CHST6: variants seen among roughly 807,000 people sequenced by gnomAD.
The protein encoded by CHST6 is N-acetylglucosamine 6-O-sulfotransferase 5.
For synonymous variants in CHST6, 309 were observed against 276.4 expected (o/e 1.12, Z -1.17); for missense variants, 698 against 586.2 (o/e 1.19, Z -1.97).
intron 1 of CHST6, among the ~76,000 whole-genome samples, chr16:75,486,571 T>C (rs2080200924): frequency 6.6e-6 from 1 of 152,178 alleles, no homozygotes; most frequent in Non-Finnish European, 1.5e-5. Flanking sequence ...TCTGCTCAAC[T>C]GCAATTCTGG....
At chr16:75,490,196 AGGC>A (rs2080240452) in intron 1 of CHST6, among the ~76,000 whole-genome samples, 1 of 133,470 alleles carries the variant, frequency 7.5e-6, no homozygotes, top group Non-Finnish European at 1.6e-5. Flanking sequence ...AAAAAAAAAA[AGGC>A]CGGGCACAGT....
In CHST6 at chr16:75,479,000, C is replaced by T. The variant is rs151201267; in HGVS notation, c.829G>A (p.Ala277Thr). Residue 277 changes from alanine to threonine, a missense_variant, in exon 3 of 3, where the codon GCG becomes ACG. Ala to Thr is a moderately conservative substitution (Grantham distance 58). Transcript: ENST00000332272. The part of the protein sequence containing the change: ...RYRLVRFEDL[A>T]REPLAEIRAL... ...CGGATTTCTGCCAGCGGCTCCCGCG[C>T]CAGGTCCTCGAAGCGCACCAGGCGG... The T allele has an allele frequency of 6.2e-7, 1 of 1,612,160 alleles. No individual in the cohort carries two copies. The highest frequency in any genetic ancestry group is 8.5e-7 in the Non-Finnish European group (1 of 1,179,940).
At chr16:75,494,643 T>C (rs1216903510) in intron 1 of CHST6, among the ~76,000 whole-genome samples, 1 of 152,210 alleles carries the variant, frequency 6.6e-6, no homozygotes, top group Non-Finnish European at 1.5e-5. Context: ...GAAAAAGCCC[T>C]TGGAGAGCTT....
Position 75,474,363 on chromosome 16 carries a change from C to T in CHST6, c.*4278G>A, listed in dbSNP as rs1597467516. 1 of 368,056 alleles carries T rather than the reference C, an allele frequency of 2.7e-6. No homozygotes were observed. Among genetic ancestry groups the T allele is most frequent in the African/African-American group, 2.1e-5 (1 of 48,204 alleles). 22.8% of individuals were successfully genotyped at this position (368,056 alleles called of 1,614,324 possible). A position where few individuals can be genotyped will look rare whatever the true frequency, so the allele number is the denominator to read the frequency against. ...GATCATGGTTCAATGTAGCCTCAAC[C>T]TCCCAGGGTCAAGCAGTCCTCCCAA... On this transcript the variant is annotated 3_prime_UTR_variant, in exon 3 of 3. Transcript: ENST00000332272.
In CHST6 at chr16:75,479,072, C is replaced by G; in HGVS notation, c.757G>C (p.Ala253Pro). ...GGCGGCTTGAGTGTGGCGGCCTCGG[C>G]GATGCGTACGTGGCTACGGCACACC... ...REVCRSHVRI[A>P]EAATLKPPPF... The change falls in exon 3 of 3, where the codon GCC (alanine) becomes CCC (proline). Residue 253 changes from alanine to proline, a missense_variant. Transcript: ENST00000332272. 1 of 1,606,082 alleles carries G rather than the reference C, an allele frequency of 6.2e-7. No homozygotes were observed. The highest frequency in any genetic ancestry group is 8.5e-7 in the Non-Finnish European group (1 of 1,179,400).
In CHST6 at chr16:75,480,977, G is replaced by A. The variant is rs115034786; in HGVS notation, c.-17+840C>T. 5.8e-3 allele frequency among the ~76,000 whole-genome samples: 871 copies of A among 150,832 alleles called. 9 individuals carry two copies. The highest frequency in any genetic ancestry group is 0.02 in the African/African-American group (803 of 41,012). ...GAAAAGAAAAGAAGCAAATAGGCAG[G>A]ATGCGAGCCTGGGATTCAAGCCTGT... On this transcript the variant is annotated intron_variant, in intron 2 of 2. Coordinates refer to ENST00000332272, the MANE Select transcript of CHST6 (RefSeq NM_021615.5).
At chr16:75,488,882 C>G (rs950982480) in intron 1 of CHST6, among the ~76,000 whole-genome samples, 1 of 151,094 alleles carries the variant, frequency 6.6e-6, no homozygotes, top group Non-Finnish European at 1.5e-5. Context: ...AGTGAAACTT[C>G]GTCTCAAAGA....
At chr16:75,482,818 C>G (rs926126532) in intron 1 of CHST6, among the ~76,000 whole-genome samples, 1 of 152,140 alleles carries the variant, frequency 6.6e-6, no homozygotes, top group East Asian at 1.9e-4. Flanking sequence ...GCCCATTTCC[C>G]TCATCAGGAG....
chr16:75,493,590 G>A (rs1226178460), intron 1 of CHST6, among the ~76,000 whole-genome samples: 2 of 152,036 alleles, frequency 1.3e-5, no homozygotes, highest in African/African-American at 4.8e-5. Context: ...GAAAGAGTGA[G>A]TGAGTGGATA....
chr16:75,479,069 C>T lies in CHST6; in HGVS notation c.760G>A (p.Glu254Lys), dbSNP rs1187998480. 5.0e-6 allele frequency: 8 copies of T among 1,606,366 alleles called. No individual in the cohort carries two copies. The highest frequency in any genetic ancestry group is 1.1e-5 in the South Asian group (1 of 91,024). ...GGTGGCGGCTTGAGTGTGGCGGCCT[C>T]GGCGATGCGTACGTGGCTACGGCAC... ...EVCRSHVRIA[E>K]AATLKPPPFL... The change falls in exon 3 of 3, where the codon GAG (glutamate) becomes AAG (lysine). Residue 254 changes from glutamate to lysine, a missense_variant. Coordinates refer to ENST00000332272, the MANE Select transcript of CHST6 (RefSeq NM_021615.5).
chr16:75,480,795 A>G (rs1318559758), intron 2 of CHST6, among the ~76,000 whole-genome samples: 3 of 151,622 alleles, frequency 2.0e-5, no homozygotes, highest in Non-Finnish European at 4.4e-5. Context: ...CGGGCGTGGT[A>G]GCGGGCACCT....
intron 1 of CHST6, among the ~76,000 whole-genome samples, chr16:75,491,187 A>ATAT (rs1567416075): frequency 1.2e-5 from 1 of 81,180 alleles, no homozygotes; most frequent in African/African-American, 4.9e-5. Flanking sequence ...AAAAAAAAAA[A>ATAT]AAAATATATA....
chr16:75,472,528 G>C lies in CHST6; in HGVS notation c.*6113C>G, dbSNP rs2080030334. 1 of 152,162 alleles carries C rather than the reference G, an allele frequency of 6.6e-6. No individual in the cohort carries two copies. The highest frequency in any genetic ancestry group is 1.5e-5 in the Non-Finnish European group (1 of 68,034). The allele number at this position is 152,162 out of a possible 1,614,324, so 9.4% of individuals were successfully genotyped here. A position where few individuals can be genotyped will look rare whatever the true frequency, so the allele number is the denominator to read the frequency against. On this transcript the variant is annotated 3_prime_UTR_variant, in exon 3 of 3. Coordinates refer to ENST00000332272, the MANE Select transcript of CHST6 (RefSeq NM_021615.5). ...CTGCCCCAGGAATTAAAGAAGTGCA[G>C]ACTGAAACATCAAGTAACATTTTTC... is the stretch of plus-strand genomic sequence containing the variant.
intron 1 of CHST6, among the ~76,000 whole-genome samples, chr16:75,494,454 C>T (rs1351034503): frequency 1.3e-5 from 2 of 152,104 alleles, no homozygotes; most frequent in Non-Finnish European, 1.5e-5. Flanking sequence ...ACTGCCTTGC[C>T]TCTGTGAAAA....
intron 1 of CHST6, among the ~76,000 whole-genome samples, chr16:75,494,332 T>A (rs890088897): frequency 6.6e-6 from 1 of 152,132 alleles, no homozygotes; most frequent in Admixed American, 6.5e-5. Flanking sequence ...CGGAGCAGCA[T>A]AGCACCCTCA....
intron 1 of CHST6, among the ~76,000 whole-genome samples, chr16:75,482,197 C>G (rs1567411437): frequency 6.6e-6 from 1 of 152,146 alleles, no homozygotes; most frequent in Non-Finnish European, 1.5e-5. Context: ...TCTTCCAATC[C>G]CAGTATCTCA....
chr16:75,491,221 A>T (rs1169848005), intron 1 of CHST6, among the ~76,000 whole-genome samples: 22 of 134,262 alleles, frequency 1.6e-4, no homozygotes, highest in African/African-American at 5.5e-4. Context: ...ATATATATAA[A>T]ATATAATATA....
At chr16:75,489,398 C>CAAAAAAA (rs901241278) in intron 1 of CHST6, among the ~76,000 whole-genome samples, 230 of 55,260 alleles carry the variant, frequency 4.2e-3, no homozygotes, top group Middle Eastern at 0.011. Context: ...GACTCTGTCT[C>CAAAAAAA]AAAAAAAAAA....
intron 1 of CHST6, among the ~76,000 whole-genome samples, chr16:75,487,181 A>G (rs890656764): frequency 6.6e-6 from 1 of 152,218 alleles, no homozygotes; most frequent in Non-Finnish European, 1.5e-5. Context: ...AGGATCTTCT[A>G]AACATCCCTT....
Sources: allele counts gnomAD v4.1 joint callset (sites outside exome capture counted in the v4.1 genomes callset), GRCh38; gene constraint gnomAD v4.1.1; transcripts MANE v1.5; gene names NCBI Gene and HGNC (gene_info 2026-07-23, HGNC 2026-07-21).